RYR2: variants seen among roughly 807,000 people sequenced by gnomAD.
The protein encoded by RYR2 is cardiac muscle ryanodine receptor-calcium release channel.
Under a neutral mutation model 601.1 loss-of-function variants are expected in RYR2, and 227 were observed. The ratio of observed to expected loss-of-function variants is 0.38; its 90% confidence interval spans 0.34 to 0.42. RYR2 has a LOEUF of 0.42. Ranked by LOEUF, RYR2 falls within the 10% of genes least tolerant of loss-of-function variation. The pLI is 1.00. For synonymous variants in RYR2, 2,223 were observed against 2,175.1 expected (o/e 1.02, Z -0.61); for missense variants, 4,646 against 6,156.5 (o/e 0.75, Z 8.21).
chr1:237,442,926 C>A (rs6702161), intron 13 of RYR2, among the ~76,000 whole-genome samples: 3 of 152,100 alleles, frequency 2.0e-5, no homozygotes, highest in African/African-American at 7.2e-5. Flanking sequence ...ATTTTAAAAA[C>A]GCACACTTAA....
At chr1:237,072,947 C>CAAA (rs34070186) in intron 1 of RYR2, among the ~76,000 whole-genome samples, 18 of 104,110 alleles carry the variant, frequency 1.7e-4, no homozygotes, top group African/African-American at 4.5e-4. Flanking sequence ...GACTCCATCT[C>CAAA]AAAAAAAAAA....
chr1:237,322,989 CCATTTATTCATA>C (rs1695782253), intron 2 of RYR2, among the ~76,000 whole-genome samples: 1 of 151,956 alleles, frequency 6.6e-6, no homozygotes, highest in South Asian at 2.1e-4. Flanking sequence ...TGTTATTCGT[CCATTTATTCATA>C]CATTTATTCA....
At chr1:237,506,185 C>G (rs1227187372) in intron 22 of RYR2, among the ~76,000 whole-genome samples, 1 of 147,026 alleles carries the variant, frequency 6.8e-6, no homozygotes, top group South Asian at 2.1e-4. Context: ...TCTGGTGGCT[C>G]ATAAATTGAT....
chr1:237,392,843 C>T (rs551040011), intron 10 of RYR2, among the ~76,000 whole-genome samples: 2 of 152,142 alleles, frequency 1.3e-5, no homozygotes, highest in South Asian at 2.1e-4. Context: ...TTTGCAATGT[C>T]GAAACTTTTT....
chr1:237,167,137 T>C (rs1403445790), intron 1 of RYR2, among the ~76,000 whole-genome samples: 1 of 152,218 alleles, frequency 6.6e-6, no homozygotes, highest in Non-Finnish European at 1.5e-5. Flanking sequence ...TGAAACCGAC[T>C]GCAGAGATCT....
intron 2 of RYR2, among the ~76,000 whole-genome samples, chr1:237,272,563 A>T (rs1015226007): frequency 6.7e-6 from 1 of 148,678 alleles, no homozygotes; most frequent in East Asian, 1.9e-4. Context: ...TATAATTTAT[A>T]TATATTAGTG....
At chr1:237,423,008 G>C in intron 11 of RYR2, 84 bp from the exon 12 acceptor site, 3 of 1,456,324 alleles carry the variant, frequency 2.1e-6, no homozygotes, top group Non-Finnish European at 2.8e-6. Context: ...ATATATGACT[G>C]TTCATTGTCC....
intron 16 of RYR2, among the ~76,000 whole-genome samples, chr1:237,457,407 T>A (rs1658968480): frequency 6.6e-6 from 1 of 152,162 alleles, no homozygotes; most frequent in Admixed American, 6.5e-5. Context: ...TCTACTTGTC[T>A]CTTGTCAAAA....
intron 83 of RYR2, 141 bp from the exon 84 acceptor site, chr1:237,760,814 C>CGAATGGAGACATGT: frequency 1.6e-6 from 1 of 611,044 alleles, no homozygotes; most frequent in Non-Finnish European, 2.9e-6. Flanking sequence ...GGTTGGTACG[C>CGAATGGAGACATGT]AATGAATGGA....
At chr1:237,387,516 C>T (rs1702038823) in intron 9 of RYR2, 136 bp downstream of exon 9, 2 of 718,738 alleles carry the variant, frequency 2.8e-6, no homozygotes, top group African/African-American at 1.8e-5. Flanking sequence ...AGATACCTGA[C>T]ATTTGAGGAT....
chr1:237,581,166 A>G (rs1256288851), intron 29 of RYR2, among the ~76,000 whole-genome samples: 7 of 152,224 alleles, frequency 4.6e-5, no homozygotes, highest in Non-Finnish European at 8.8e-5. Flanking sequence ...CTTGATGTAT[A>G]GTTTATGGTA....
At chr1:237,308,315 G>A (rs1329578391) in intron 2 of RYR2, among the ~76,000 whole-genome samples, 1 of 152,126 alleles carries the variant, frequency 6.6e-6, no homozygotes, top group Non-Finnish European at 1.5e-5. Context: ...TTGTACCTAG[G>A]GTGGACACGT....
At chr1:237,506,648 G>C (rs1458779262) in intron 22 of RYR2, 62 bp from the exon 23 acceptor site, 2 of 1,151,060 alleles carry the variant, frequency 1.7e-6, no homozygotes, top group African/African-American at 1.5e-5. Flanking sequence ...AGTGAAGACT[G>C]TTGGCACTGC....
chr1:237,461,368 C>A (rs1659460019), intron 16 of RYR2, among the ~76,000 whole-genome samples: 1 of 152,190 alleles, frequency 6.6e-6, no homozygotes, highest in Non-Finnish European at 1.5e-5. Flanking sequence ...CTCTCACACA[C>A]TTCTTATGAA....
rs762518778 is a variant in RYR2, at chr1:237,709,097, A to G, written c.10141A>G (p.Arg3381Gly). The change falls in exon 69 of 105, where the codon AGG (arginine) becomes GGG (glycine). Residue 3381 changes from arginine (R) to glycine (G), a missense_variant and splice_region_variant. Arg to Gly is a moderately radical substitution (Grantham distance 125). Around this residue, in one of 17 missense-constraint regions of RYR2, gnomAD observed 1,497 missense variants for 1,842.6 expected, o/e 0.81. Transcript: ENST00000366574. Reference protein sequence around the residue: ...PLLIRFVDYNRAKWLKEPNPE... With the variant: ...PLLIRFVDYNGAKWLKEPNPE... ...CTTGATTAGATTTGTGGACTATAAC[A>G]GGTATGATCAAAAGTAATTTAGTAA... 1.3e-6 allele frequency: 2 copies of G among 1,560,812 alleles called. No homozygotes were observed. The highest frequency in any genetic ancestry group is 1.7e-6 in the Non-Finnish European group (2 of 1,155,600).
intron 25 of RYR2, among the ~76,000 whole-genome samples, chr1:237,540,901 ATG>A (rs936652298): frequency 1.5e-5 from 2 of 129,430 alleles, no homozygotes; most frequent in Non-Finnish European, 3.5e-5. Context: ...TGGTTGATGC[ATG>A]TGTGTGTGTA....
chr1:237,358,514 T>C (rs938203352), intron 4 of RYR2, among the ~76,000 whole-genome samples: 4 of 151,958 alleles, frequency 2.6e-5, no homozygotes, highest in Admixed American at 2.0e-4. Flanking sequence ...GCGCTTGGCA[T>C]TGGTCTTTCG....
At chr1:237,165,899 G>A (rs1676661745) in intron 1 of RYR2, among the ~76,000 whole-genome samples, 1 of 152,128 alleles carries the variant, frequency 6.6e-6, no homozygotes, top group South Asian at 2.1e-4. Context: ...GTCAGGCAAG[G>A]GTGTGAGGAC....
intron 12 of RYR2, among the ~76,000 whole-genome samples, chr1:237,432,910 C>T (rs560246457): frequency 2.6e-4 from 38 of 147,178 alleles, no homozygotes; most frequent in African/African-American, 9.2e-4. Context: ...TTTAAATTTT[C>T]TAATTCTTAG....
Sources: gnomAD v4.1 joint callset for allele counts (sites outside exome capture counted in the v4.1 genomes callset) on GRCh38, gnomAD v4.1.1 for gene constraint, gnomAD v4.1.1 regional missense constraint, MANE v1.5 for transcripts, NCBI Gene and HGNC (gene_info 2026-07-23, HGNC 2026-07-21) for gene names.